Variants in MYT1L observed in about 807,000 individuals in gnomAD.
MYT1L encodes the protein myelin transcription factor 1-like protein.
MYT1L carries 12 observed loss-of-function variants against 126.7 expected under a neutral mutation model. The ratio of observed to expected loss-of-function variants is 0.09; its 90% CI spans 0.06 to 0.15. The LOEUF is 0.15. Ranked by LOEUF, MYT1L falls within the 10% of genes least tolerant of loss-of-function variation. MYT1L has a pLI of 1.00. For missense variants in MYT1L, 979 were observed against 1,585.2 expected, an observed-to-expected ratio of 0.62 and a Z score of 6.49; for synonymous variants, 541 against 604.2, an observed-to-expected ratio of 0.90 and a Z score of 1.53.
chr2:2,135,912 G>A (rs1350648303), intron 3 of MYT1L, among the ~76,000 whole-genome samples: 1 of 152,166 alleles, frequency 6.6e-6, no homozygotes, highest in Admixed American at 6.5e-5. Context: ...CTACTATAAA[G>A]ACACATGCAC....
At chr2:1,940,160 C>T (rs2056474580) in intron 9 of MYT1L, among the ~76,000 whole-genome samples, 1 of 152,092 alleles carries the variant, frequency 6.6e-6, no homozygotes, top group East Asian at 1.9e-4. Context: ...GTGCACCTGT[C>T]TCACACTGGT....
rs536917894 is a variant in MYT1L, at chr2:1,790,115, ATTGCACACC to A, written c.*1743_*1751del. The A allele has an allele frequency of 6.6e-6, 1 of 152,204 alleles. No homozygotes were observed. Among genetic ancestry groups the A allele is most frequent in the Non-Finnish European group, 1.5e-5 (1 of 68,048 alleles). 9.4% of individuals were successfully genotyped at this position (152,204 alleles called of 1,614,324 possible). A position where few individuals can be genotyped will look rare whatever the true frequency, so the allele number is the denominator to read the frequency against. On this transcript the variant is annotated 3_prime_UTR_variant, in exon 25 of 25. Transcript: ENST00000647738. ...TGTCACAAGGCTACTGACACGAGGA[ATTGCACACC>A]TCCGTACGGATATATAGGACAAGGT...
At chr2:1,867,923 T>A (rs545319901) in intron 18 of MYT1L, among the ~76,000 whole-genome samples, 82 of 152,228 alleles carry the variant, frequency 5.4e-4, no homozygotes, top group African/African-American at 1.8e-3. Context: ...GAAATATCTA[T>A]CTTTATTTAG....
At chr2:2,139,369 T>C (rs111917977) in intron 3 of MYT1L, among the ~76,000 whole-genome samples, 6,571 of 151,894 alleles carry the variant, frequency 0.043, 211 homozygotes, top group Non-Finnish European at 0.066. Context: ...CCTGCAATCC[T>C]GGCACTTTGG....
chr2:2,221,372 G>A (rs17039396), intron 2 of MYT1L, among the ~76,000 whole-genome samples: 14,680 of 152,110 alleles, frequency 0.097, 943 homozygotes, highest in East Asian at 0.25. Context: ...TAGGTAAACA[G>A]AAATCTGGTC....
intron 3 of MYT1L, among the ~76,000 whole-genome samples, chr2:2,098,121 C>G (rs1160946823): frequency 6.6e-6 from 1 of 152,118 alleles, no homozygotes; most frequent in East Asian, 1.9e-4. Context: ...CCAATTAAAC[C>G]TCCTTTCTTT....
At chr2:1,897,450 CTT>C (rs35167347) in intron 14 of MYT1L, among the ~76,000 whole-genome samples, 45 of 147,776 alleles carry the variant, frequency 3.0e-4, no homozygotes, top group African/African-American at 1.1e-3. Flanking sequence ...GCAAACAAAA[CTT>C]TTTTTTTTTT....
chr2:1,894,352 GA>G (rs2049306806), intron 14 of MYT1L, among the ~76,000 whole-genome samples: 1 of 152,204 alleles, frequency 6.6e-6, no homozygotes, highest in South Asian at 2.1e-4. Flanking sequence ...GAGTCAACCA[GA>G]GGGAGACAGC....
chr2:2,106,826 G>A (rs2150532931), intron 3 of MYT1L, among the ~76,000 whole-genome samples: 1 of 152,222 alleles, frequency 6.6e-6, no homozygotes, highest in African/African-American at 2.4e-5. Context: ...GTCCAAGGTG[G>A]TGGTTACTAT....
chr2:2,034,191 A>G (rs2066746412), intron 4 of MYT1L, among the ~76,000 whole-genome samples: 1 of 152,166 alleles, frequency 6.6e-6, no homozygotes, highest in Admixed American at 6.5e-5. Context: ...TATCGACACA[A>G]TTCAGGCATA....
intron 4 of MYT1L, among the ~76,000 whole-genome samples, chr2:2,053,077 TTAGAAAGGAAGGA>T (rs1272735085): frequency 2.0e-5 from 3 of 152,168 alleles, no homozygotes; most frequent in Non-Finnish European, 4.4e-5. Context: ...TTATTCAGCC[TTAGAAAGGAAGGA>T]TGCTCTGACC....
At chr2:2,126,157 C>A (rs1575350568) in intron 3 of MYT1L, among the ~76,000 whole-genome samples, 1 of 152,162 alleles carries the variant, frequency 6.6e-6, no homozygotes, top group South Asian at 2.1e-4. Context: ...CCTGTGTTTA[C>A]CTGGGAGGGA....
At chr2:2,282,235 G>C (rs1441831607) in intron 2 of MYT1L, among the ~76,000 whole-genome samples, 1 of 152,154 alleles carries the variant, frequency 6.6e-6, no homozygotes, top group African/African-American at 2.4e-5. Context: ...ACAGTGTATT[G>C]CACGTAGTAG....
intron 3 of MYT1L, among the ~76,000 whole-genome samples, chr2:2,084,295 A>G (rs1387469069): frequency 1.3e-5 from 2 of 152,244 alleles, no homozygotes; most frequent in Non-Finnish European, 2.9e-5. Context: ...TAAAGAAGGG[A>G]GCAGGCAGCT....
chr2:2,326,918 A>G (rs1157053911), intron 1 of MYT1L: 1 of 152,224 alleles, frequency 6.6e-6, no homozygotes, highest in Non-Finnish European at 1.5e-5. Context: ...ACAGGGACCA[A>G]GTTAAAGAGA....
Position 1,929,564 on chromosome 2 carries a change from TC to T in MYT1L, c.506-6302del, listed in dbSNP as rs1487137050. Among the ~76,000 whole-genome samples, 4 of 152,190 alleles carry T rather than the reference TC, an allele frequency of 2.6e-5. No homozygotes were observed. The highest frequency in any genetic ancestry group is 2.6e-4 in the Admixed American group (4 of 15,284). ...CAGCAGTGCTTCTGTGTGTCTTATT[TC>T]CAGTATCATAGGAAATTTTCAGAAT... On this transcript the variant is annotated intron_variant, in intron 9 of 24. Transcript: ENST00000647738. This position sits in a 1 kb window ranked among gnomAD's most constrained non-coding sequence, Gnocchi z 4.7.
chr2:2,157,538 G>A (rs930637041), intron 3 of MYT1L, among the ~76,000 whole-genome samples: 1 of 152,104 alleles, frequency 6.6e-6, no homozygotes, highest in Non-Finnish European at 1.5e-5. Context: ...AAAGTGCAGT[G>A]ACTTGTAGTA....
At chr2:2,153,554 T>G (rs1575523563) in intron 3 of MYT1L, among the ~76,000 whole-genome samples, 1 of 151,718 alleles carries the variant, frequency 6.6e-6, no homozygotes, top group Non-Finnish European at 1.5e-5. Flanking sequence ...AGGCTGGGGG[T>G]GGGCTGGAAA....
chr2:1,934,389 C>T (rs2055541918), intron 9 of MYT1L, among the ~76,000 whole-genome samples: 1 of 151,278 alleles, frequency 6.6e-6, no homozygotes, highest in South Asian at 2.1e-4. Flanking sequence ...GAGCAGCACA[C>T]ATGTGGGACA....
Sources: gnomAD v4.1 joint callset for allele counts (sites outside exome capture counted in the v4.1 genomes callset) on GRCh38, gnomAD v4.1.1 for gene constraint, Gnocchi (gnomAD v3.1) non-coding constraint, MANE v1.5 for transcripts, NCBI Gene and HGNC (gene_info 2026-07-23, HGNC 2026-07-21) for gene names.